The following THSD7A variants were observed in gnomAD, a reference collection of about 807,000 sequenced individuals.
THSD7A encodes the protein thrombospondin type 1 domain containing 7A.
In THSD7A, 96 loss-of-function variants were observed where a neutral mutation model predicts 231.3. The ratio of observed to expected loss-of-function variants is 0.41; its 90% CI spans 0.35 to 0.49. THSD7A has a LOEUF of 0.49. Ranked by LOEUF, THSD7A falls within the 20% of genes least tolerant of loss-of-function variation. The pLI, the probability that THSD7A is intolerant of heterozygous loss-of-function variation, is 0.05. For missense variants in THSD7A, 2,290 were observed against 2,070.2 expected (o/e 1.11, Z -2.06); for synonymous variants, 940 against 743.3 (o/e 1.26, Z -4.30).
intron 4 of THSD7A, among the ~76,000 whole-genome samples, chr7:11,560,390 G>A (rs1790027110): frequency 6.6e-6 from 1 of 152,060 alleles, no homozygotes; most frequent in South Asian, 2.1e-4. Context: ...TCATAGGGCA[G>A]CACATCACAT....
At chr7:11,489,882 T>C (rs1786816575) in intron 6 of THSD7A, among the ~76,000 whole-genome samples, 1 of 152,070 alleles carries the variant, frequency 6.6e-6, no homozygotes, top group Non-Finnish European at 1.5e-5. Context: ...TCTTTAGGTT[T>C]CTCTTTTTTC....
At chr7:11,402,865 G>C (rs1430821681) in intron 22 of THSD7A, among the ~76,000 whole-genome samples, 1 of 152,060 alleles carries the variant, frequency 6.6e-6, no homozygotes, top group African/African-American at 2.4e-5. Flanking sequence ...TTCTACTACT[G>C]ATGGGCATGT....
intron 1 of THSD7A, among the ~76,000 whole-genome samples, chr7:11,822,903 G>A (rs1438549223): frequency 6.6e-6 from 1 of 151,976 alleles, no homozygotes; most frequent in Non-Finnish European, 1.5e-5. Flanking sequence ...TCTGCAGGTT[G>A]TCTGTTCACT....
At chr7:11,795,040 A>G (rs1057428298) in intron 1 of THSD7A, among the ~76,000 whole-genome samples, 4 of 152,004 alleles carry the variant, frequency 2.6e-5, no homozygotes, top group African/African-American at 9.7e-5. Context: ...ATGGTATTCT[A>G]TCTAAAAGTT....
chr7:11,739,258 T>C (rs17175538), intron 1 of THSD7A, among the ~76,000 whole-genome samples: 4,817 of 152,088 alleles, frequency 0.032, 108 homozygotes, highest in Middle Eastern at 0.085. Context: ...ATAGCTTTAA[T>C]AAGGCCAGTG....
chr7:11,481,856 C>A lies in THSD7A; in HGVS notation c.1949G>T (p.Cys650Phe). 1 of 1,613,674 alleles carries A rather than the reference C, an allele frequency of 6.2e-7. No homozygotes were observed. Among genetic ancestry groups the A allele is most frequent in the Non-Finnish European group, 8.5e-7 (1 of 1,179,698 alleles). Residue 650 changes from cysteine (C) to phenylalanine (F), a missense_variant, in exon 7 of 28, where the codon TGC (cysteine) becomes TTC (phenylalanine). Physicochemically the swap from Cys to Phe is radical, Grantham distance 205. Coordinates refer to ENST00000423059, the MANE Select transcript of THSD7A (RefSeq NM_015204.3). ...TTTCCCTTCTGTCGTTTTCCCTGAG[C>A]AGGTGTGTGAGCAGGAGGACCACGT... The part of the protein sequence containing the change: ...WSTWSSCSHT[C>F]SGKTTEGKQI...
intron 1 of THSD7A, among the ~76,000 whole-genome samples, chr7:11,805,245 T>G (rs1322231496): frequency 6.6e-6 from 1 of 152,004 alleles, no homozygotes; most frequent in Non-Finnish European, 1.5e-5. Flanking sequence ...CAAAGGAGAG[T>G]TGAAGGAAAT....
chr7:11,696,452 G>A (rs951310575), intron 1 of THSD7A, among the ~76,000 whole-genome samples: 2 of 151,392 alleles, frequency 1.3e-5, no homozygotes, highest in Non-Finnish European at 3.0e-5. Flanking sequence ...TAAGTTCTGG[G>A]ATACATGTGC....
Position 11,442,415 on chromosome 7 carries a change from CAG to C in THSD7A, c.3064+3644_3064+3645del, listed in dbSNP as rs150663007. ...CCACAGATAGACAACAATGATTAAA[CAG>C]AAATACCCCAAGGACACTATTGAAT... On this transcript the variant is annotated intron_variant, in intron 13 of 27. Transcript: ENST00000423059. Among the ~76,000 whole-genome samples the C allele has an allele frequency of 1.0e-3, 155 of 152,120 alleles. No individual in the cohort carries two copies. In the East Asian group the frequency reaches 0.028, roughly 28 times the overall value.
chr7:11,831,496 CATGGA>C lies in THSD7A; in HGVS notation c.190+256_190+260del, dbSNP rs1207764987. Among the ~76,000 whole-genome samples the C allele has an allele frequency of 1.3e-5, 2 of 152,280 alleles. No homozygotes were observed. The highest frequency in any genetic ancestry group is 1.3e-4 in the Admixed American group (2 of 15,306). On this transcript the variant is annotated intron_variant, in intron 1 of 27. Coordinates refer to ENST00000423059, the MANE Select transcript of THSD7A (RefSeq NM_015204.3). This position sits in a 1 kb window ranked among gnomAD's most constrained non-coding sequence, Gnocchi z 5.0. The stretch of plus-strand genomic sequence containing the variant: ...AGGGGTTAAAAATAATGCACTTCAT[CATGGA>C]AGTGCGCGTTGCCCTCATTACAGAG...
intron 6 of THSD7A, among the ~76,000 whole-genome samples, chr7:11,493,440 A>G (rs555627202): frequency 1.3e-5 from 2 of 152,208 alleles, no homozygotes; most frequent in South Asian, 2.1e-4. Flanking sequence ...CTTCAGTTCC[A>G]TCAGAGAACT....
At position 11,444,544 on chromosome 7, in the gene THSD7A, T is replaced by G. The variant is rs996360310; in HGVS notation, c.3064+1517A>C. 6.6e-6 allele frequency among the ~76,000 whole-genome samples: 1 copy of G among 151,746 alleles called. No homozygotes were observed. Among genetic ancestry groups the G allele is most frequent in the Admixed American group, 6.6e-5 (1 of 15,206 alleles). The stretch of plus-strand genomic sequence containing the variant: ...GCATGTTCTCACTCAAAAGTGAAAG[T>G]TGAACAATAAGAACACATGGGCACA... On this transcript the variant is annotated intron_variant, in intron 13 of 27. Coordinates refer to ENST00000423059, the MANE Select transcript of THSD7A (RefSeq NM_015204.3). The surrounding 1 kb of genome is among the most constrained non-coding windows in gnomAD (Gnocchi z 4.2).
chr7:11,515,318 A>G (rs1161694332), intron 6 of THSD7A, among the ~76,000 whole-genome samples: 1 of 152,146 alleles, frequency 6.6e-6, no homozygotes, highest in Non-Finnish European at 1.5e-5. Flanking sequence ...TTGCTATGGA[A>G]CAACTGTAAG....
intron 1 of THSD7A, among the ~76,000 whole-genome samples, chr7:11,792,802 C>T (rs4721013): frequency 0.79 from 120,549 of 151,806 alleles, 48,003 homozygotes; most frequent in Middle Eastern, 0.9. Flanking sequence ...CATACAATCT[C>T]TGTTTCAGTT....
At chr7:11,498,196 C>T (rs987725845) in intron 6 of THSD7A, among the ~76,000 whole-genome samples, 3 of 152,160 alleles carry the variant, frequency 2.0e-5, no homozygotes, top group Non-Finnish European at 4.4e-5. Context: ...ACTTTCATGG[C>T]ACCTCATATG....
At position 11,605,308 on chromosome 7, in the gene THSD7A, G is replaced by A. The variant is rs1002008219; in HGVS notation, c.1023-11806C>T. On this transcript the variant is annotated intron_variant, in intron 2 of 27. Coordinates refer to ENST00000423059, the MANE Select transcript of THSD7A (RefSeq NM_015204.3). ...GGTTGCATTTTGGATGTCACCATAGGTCCACTGCTTCTAATCCAGGGAAAG... is the reference window on the plus strand; with the variant it reads ...GGTTGCATTTTGGATGTCACCATAGATCCACTGCTTCTAATCCAGGGAAAG... Among the ~76,000 whole-genome samples the A allele has an allele frequency of 1.6e-4, 24 of 152,182 alleles. No homozygotes were observed. In the South Asian group the frequency reaches 1.7e-3, roughly 11 times the overall value.
chr7:11,798,867 C>G (rs1784200211), intron 1 of THSD7A, among the ~76,000 whole-genome samples: 1 of 151,826 alleles, frequency 6.6e-6, no homozygotes, highest in Non-Finnish European at 1.5e-5. Flanking sequence ...TCATTTTTTC[C>G]TGCCTATTTA....
Position 11,417,517 on chromosome 7 carries a change from A to G in THSD7A, c.3470T>C (p.Val1157Ala). 6.2e-7 allele frequency: 1 copy of G among 1,613,674 alleles called. No individual in the cohort carries two copies. Among genetic ancestry groups the G allele is most frequent in the South Asian group, 1.1e-5 (1 of 91,050 alleles). The stretch of plus-strand genomic sequence containing the variant: ...GTCCTCAGGGCATGGTAATTTGCAC[A>G]CTCTAGAGCCCAGGGGCATCTCTTC... ...DPEEMPLGSRVCKLPCPEDCV... is the reference protein window; with the variant it reads ...DPEEMPLGSRACKLPCPEDCV... Residue 1157 changes from valine (V) to alanine (A), a missense_variant, in exon 17 of 28, where the codon GTG becomes GCG. By Grantham distance (64) the Val-to-Ala change is moderately conservative. Transcript: ENST00000423059.
At chr7:11,652,369 G>C (rs1782537115) in intron 1 of THSD7A, among the ~76,000 whole-genome samples, 1 of 151,918 alleles carries the variant, frequency 6.6e-6, no homozygotes, top group Non-Finnish European at 1.5e-5. Context: ...GATACACTTA[G>C]AACACTAAAA....
Sources: gnomAD v4.1 joint callset for allele counts (sites outside exome capture counted in the v4.1 genomes callset) on GRCh38, gnomAD v4.1.1 for gene constraint, Gnocchi (gnomAD v3.1) non-coding constraint, MANE v1.5 for transcripts, NCBI Gene and HGNC (gene_info 2026-07-23, HGNC 2026-07-21) for gene names.